The following CNTNAP2 variants were observed in gnomAD, a reference collection of about 807,000 sequenced individuals.
CNTNAP2 encodes the protein contactin associated protein 2, also known as contactin-associated protein-like 2.
Under a neutral mutation model 155.2 loss-of-function variants are expected in CNTNAP2, and 98 were observed. The observed-to-expected ratio is 0.63, with a 90% CI of 0.54 to 0.75. CNTNAP2 has a LOEUF of 0.75. Among genes scored for constraint, CNTNAP2 ranks in the 30% least tolerant of loss-of-function variants. The pLI, the probability that CNTNAP2 is intolerant of heterozygous loss-of-function variation, is 0.00. For missense variants in CNTNAP2, 1,727 were observed against 1,688.1 expected, an observed-to-expected ratio of 1.02 and a Z score of -0.40; for synonymous variants, 651 against 631.2, an observed-to-expected ratio of 1.03 and a Z score of -0.47.
At chr7:147,215,041 A>G (rs912537491) in intron 8 of CNTNAP2, among the ~76,000 whole-genome samples, 1 of 152,104 alleles carries the variant, frequency 6.6e-6, no homozygotes, top group Non-Finnish European at 1.5e-5. Flanking sequence ...TGAGGACAGC[A>G]TGGGGGAAAC....
chr7:148,160,260 A>G (rs183315922), intron 17 of CNTNAP2, among the ~76,000 whole-genome samples: 83 of 152,018 alleles, frequency 5.5e-4, no homozygotes, highest in Admixed American at 8.5e-4. Flanking sequence ...GAAAATGACT[A>G]CACTAGCCAG....
At chr7:147,822,072 C>T (rs1037775566) in intron 13 of CNTNAP2, among the ~76,000 whole-genome samples, 3 of 151,958 alleles carry the variant, frequency 2.0e-5, no homozygotes, top group African/African-American at 7.2e-5. Flanking sequence ...AGAAACTGTC[C>T]GCTAGATTTA....
chr7:146,222,594 G>T (rs1044215202), intron 1 of CNTNAP2, among the ~76,000 whole-genome samples: 13 of 150,850 alleles, frequency 8.6e-5, no homozygotes, highest in African/African-American at 3.2e-4. Flanking sequence ...ATGTATGTAG[G>T]TATATGTGCA....
At chr7:146,944,224 GT>G (rs371117366) in intron 3 of CNTNAP2, among the ~76,000 whole-genome samples, 65 of 143,616 alleles carry the variant, frequency 4.5e-4, no homozygotes, top group South Asian at 1.8e-3. Context: ...TCATCTACAG[GT>G]TTTTTTTTTT....
At chr7:147,241,935 T>C (rs1803946470) in intron 8 of CNTNAP2, among the ~76,000 whole-genome samples, 1 of 152,200 alleles carries the variant, frequency 6.6e-6, no homozygotes, top group African/African-American at 2.4e-5. Context: ...TAATCTCATA[T>C]CTAGTTATTG....
intron 10 of CNTNAP2, among the ~76,000 whole-genome samples, chr7:147,423,225 C>T (rs182077324): frequency 3.3e-5 from 5 of 152,268 alleles, no homozygotes; most frequent in African/African-American, 1.2e-4. Context: ...AAATTAGGTT[C>T]TTGTGAAATA....
intron 2 of CNTNAP2, among the ~76,000 whole-genome samples, chr7:146,775,880 G>A (rs1196038807): frequency 6.6e-6 from 1 of 151,842 alleles, no homozygotes; most frequent in Non-Finnish European, 1.5e-5. Flanking sequence ...CAAAGGTAGA[G>A]GAACATAACA....
intron 1 of CNTNAP2, among the ~76,000 whole-genome samples, chr7:146,739,972 T>C (rs1020487039): frequency 2.0e-5 from 3 of 152,090 alleles, no homozygotes; most frequent in African/African-American, 7.2e-5. Context: ...TATTCTCTTT[T>C]GGTTTCTACT....
chr7:146,405,173 C>A (rs1324766873), intron 1 of CNTNAP2, among the ~76,000 whole-genome samples: 1 of 152,100 alleles, frequency 6.6e-6, no homozygotes, highest in South Asian at 2.1e-4. Flanking sequence ...CTCTAATGAG[C>A]CTTGTTGTTG....
intron 11 of CNTNAP2, among the ~76,000 whole-genome samples, chr7:147,518,345 GA>G: frequency 6.6e-6 from 1 of 152,132 alleles, no homozygotes; most frequent in African/African-American, 2.4e-5. Context: ...ACTGGGGAGA[GA>G]AAAAATAAAT....
chr7:146,433,976 T>A (rs895803587), intron 1 of CNTNAP2, among the ~76,000 whole-genome samples: 6 of 152,298 alleles, frequency 3.9e-5, no homozygotes, highest in Middle Eastern at 3.4e-3. Flanking sequence ...AATAATGGTC[T>A]TGACTATTAC....
chr7:147,766,290 T>A (rs1260263687), intron 13 of CNTNAP2, among the ~76,000 whole-genome samples: 1 of 152,188 alleles, frequency 6.6e-6, no homozygotes, highest in Non-Finnish European at 1.5e-5. Context: ...GGTACCTATG[T>A]TTATAATTAT....
intron 10 of CNTNAP2, among the ~76,000 whole-genome samples, chr7:147,477,854 C>T (rs531799759): frequency 6.6e-6 from 1 of 152,274 alleles, no homozygotes; most frequent in Admixed American, 6.5e-5. Flanking sequence ...ACCGTAGGTA[C>T]TCAATAAATA....
intron 1 of CNTNAP2, among the ~76,000 whole-genome samples, chr7:146,382,014 G>T (rs948978746): frequency 1.4e-4 from 21 of 152,256 alleles, no homozygotes; most frequent in Non-Finnish European, 5.9e-5. Flanking sequence ...AAGGAGTTGT[G>T]GTTGAGTTTC....
intron 15 of CNTNAP2, chr7:148,056,411 T>C (rs1803010926): frequency 6.6e-6 from 1 of 152,238 alleles, no homozygotes; most frequent in African/African-American, 2.4e-5. Flanking sequence ...TAAAAGTGCA[T>C]GTCTCTTAGA....
chr7:147,797,619 C>CT (rs148613177), intron 13 of CNTNAP2, among the ~76,000 whole-genome samples: 5,014 of 152,112 alleles, frequency 0.033, 143 homozygotes, highest in Non-Finnish European at 0.052. Context: ...CACTTTAGGA[C>CT]TCTTGGAGCT....
At chr7:147,637,128 T>C (rs1490533949) in intron 12 of CNTNAP2, among the ~76,000 whole-genome samples, 1 of 152,144 alleles carries the variant, frequency 6.6e-6, no homozygotes, top group Non-Finnish European at 1.5e-5. Flanking sequence ...AGGACTTGAC[T>C]TCTACTGGAA....
intron 1 of CNTNAP2, among the ~76,000 whole-genome samples, chr7:146,535,641 G>C (rs183487559): frequency 2.7e-4 from 41 of 150,562 alleles, no homozygotes; most frequent in Middle Eastern, 3.4e-3. Context: ...AGATACAAGG[G>C]CTACATATTC....
intron 1 of CNTNAP2, among the ~76,000 whole-genome samples, chr7:146,527,960 T>C (rs1236329980): frequency 2.0e-5 from 3 of 152,174 alleles, no homozygotes; most frequent in Admixed American, 1.3e-4. Context: ...TTTACGGCTT[T>C]TGTTTTAATT....
Sources: allele counts gnomAD v4.1 joint callset (sites outside exome capture counted in the v4.1 genomes callset), GRCh38; gene constraint gnomAD v4.1.1; transcripts MANE v1.5; gene names NCBI Gene and HGNC (gene_info 2026-07-23, HGNC 2026-07-21).